Variants in PLCB1 observed in about 807,000 individuals in gnomAD.
The protein encoded by PLCB1 is phospholipase C beta 1.
In PLCB1, 46 loss-of-function variants were observed where a neutral mutation model predicts 161.8. The ratio of observed to expected loss-of-function variants is 0.28; its 90% CI spans 0.22 to 0.36. The LOEUF (loss-of-function observed/expected upper bound fraction) is 0.36, where lower values mean the gene tolerates loss of function less well. Ranked by LOEUF, PLCB1 falls within the 10% of genes least tolerant of loss-of-function variation. The pLI is 1.00. For synonymous variants in PLCB1, 517 were observed against 503.7 expected (o/e 1.03, Z -0.35); for missense variants, 1,016 against 1,472.5 (o/e 0.69, Z 5.07).
At chr20:8,563,279 T>C (rs1025243045) in intron 3 of PLCB1, among the ~76,000 whole-genome samples, 2 of 151,762 alleles carry the variant, frequency 1.3e-5, no homozygotes, top group Non-Finnish European at 2.9e-5. Flanking sequence ...CCCTACCAAG[T>C]AGAAAAAAAG....
chr20:8,236,020 T>G (rs1007454981), intron 2 of PLCB1, among the ~76,000 whole-genome samples: 1 of 152,118 alleles, frequency 6.6e-6, no homozygotes, highest in Non-Finnish European at 1.5e-5. Context: ...CAAATTAAAT[T>G]ACTACAAATT....
intron 3 of PLCB1, among the ~76,000 whole-genome samples, chr20:8,584,790 A>AAGG (rs1986938832): frequency 1.3e-5 from 2 of 152,028 alleles, no homozygotes; most frequent in Non-Finnish European, 2.9e-5. Context: ...TCCCAGGTTT[A>AAGG]AGCGATTCTC....
At chr20:8,409,835 A>G (rs1351279540) in intron 3 of PLCB1, among the ~76,000 whole-genome samples, 1 of 152,140 alleles carries the variant, frequency 6.6e-6, no homozygotes, top group Non-Finnish European at 1.5e-5. Flanking sequence ...AATATTATTT[A>G]AGAAATTGAT....
chr20:8,451,370 C>G (rs1981068026), intron 3 of PLCB1, among the ~76,000 whole-genome samples: 1 of 152,004 alleles, frequency 6.6e-6, no homozygotes, highest in Non-Finnish European at 1.5e-5. Flanking sequence ...TTTTTTGAGA[C>G]AGAGTCTCAC....
At chr20:8,326,795 C>T (rs144581624) in intron 2 of PLCB1, among the ~76,000 whole-genome samples, 1 of 152,356 alleles carries the variant, frequency 6.6e-6, no homozygotes, top group East Asian at 1.9e-4. Context: ...GGGTCTGAAA[C>T]ACCACACTGA....
chr20:8,868,175 G>T (rs1162996741), intron 31 of PLCB1, among the ~76,000 whole-genome samples: 1 of 152,082 alleles, frequency 6.6e-6, no homozygotes, highest in African/African-American at 2.4e-5. Context: ...ATGGAAAACA[G>T]AAAAACAACT....
At chr20:8,244,666 A>T (rs1457022676) in intron 2 of PLCB1, among the ~76,000 whole-genome samples, 1 of 151,780 alleles carries the variant, frequency 6.6e-6, no homozygotes, top group Non-Finnish European at 1.5e-5. Context: ...ATATGCAAAC[A>T]CTCATCCCAC....
chr20:8,342,760 A>G (rs549060446), intron 2 of PLCB1, among the ~76,000 whole-genome samples: 33 of 152,306 alleles, frequency 2.2e-4, no homozygotes, highest in Non-Finnish European at 4.0e-4. Context: ...TACTTCCCAA[A>G]GAAAGAGACA....
chr20:8,863,679 C>A (rs1308899812), intron 31 of PLCB1, among the ~76,000 whole-genome samples: 1 of 152,132 alleles, frequency 6.6e-6, no homozygotes, highest in Non-Finnish European at 1.5e-5. Context: ...TGTATTTTAC[C>A]ATTATAACCA....
intron 2 of PLCB1, among the ~76,000 whole-genome samples, chr20:8,236,810 G>T (rs942035855): frequency 6.6e-6 from 1 of 151,888 alleles, no homozygotes; most frequent in Non-Finnish European, 1.5e-5. Flanking sequence ...ATGGGTAAAC[G>T]ATATGAATGG....
chr20:8,438,210 C>T (rs1290414715), intron 3 of PLCB1, among the ~76,000 whole-genome samples: 1 of 152,082 alleles, frequency 6.6e-6, no homozygotes, highest in Non-Finnish European at 1.5e-5. Context: ...GATATTGGAA[C>T]AATGAATATC....
At chr20:8,682,436 G>C (rs894067259) in intron 9 of PLCB1, among the ~76,000 whole-genome samples, 7 of 152,068 alleles carry the variant, frequency 4.6e-5, no homozygotes, top group African/African-American at 1.7e-4. Context: ...CAGGAGGAAG[G>C]TTTTTCTTTT....
At chr20:8,673,136 A>AT (rs1437400906) in intron 9 of PLCB1, among the ~76,000 whole-genome samples, 1 of 151,694 alleles carries the variant, frequency 6.6e-6, no homozygotes, top group African/African-American at 2.4e-5. Flanking sequence ...AAATAAATAA[A>AT]TAAATAAATA....
At chr20:8,155,142 A>C (rs1361456760) in intron 2 of PLCB1, among the ~76,000 whole-genome samples, 1 of 152,106 alleles carries the variant, frequency 6.6e-6, no homozygotes, top group African/African-American at 2.4e-5. Context: ...ATGCCTGTGG[A>C]CTGCTGGGTT....
chr20:8,781,539 C>G (rs1473879923), intron 27 of PLCB1, among the ~76,000 whole-genome samples: 1 of 151,982 alleles, frequency 6.6e-6, no homozygotes, highest in East Asian at 1.9e-4. Flanking sequence ...AACGCTTTTT[C>G]ATGGCTTCGT....
Position 8,516,520 on chromosome 20 carries a change from T to G in PLCB1, c.247-111774T>G, listed in dbSNP as rs112838306. Among the ~76,000 whole-genome samples the G allele has an allele frequency of 6.5e-3, 996 of 152,120 alleles. 8 individuals carry two copies. The highest frequency in any genetic ancestry group is 0.022 in the African/African-American group (932 of 41,518). On this transcript the variant is annotated intron_variant, in intron 3 of 31. Transcript: ENST00000338037. ...TCTATCAGAGATAGTTTCCCTTTTA[T>G]ACATGTAAGTACAATAATGTTGAAA...
chr20:8,717,418 CA>C (rs1228793138), intron 13 of PLCB1, among the ~76,000 whole-genome samples: 2 of 152,072 alleles, frequency 1.3e-5, no homozygotes, highest in Non-Finnish European at 2.9e-5. Context: ...TTTAGTACAT[CA>C]AATCTACCAG....
At chr20:8,261,113 C>G (rs1363145203) in intron 2 of PLCB1, among the ~76,000 whole-genome samples, 1 of 152,088 alleles carries the variant, frequency 6.6e-6, no homozygotes. Context: ...TTCTACTGCC[C>G]CCTTCTGCTT....
intron 2 of PLCB1, among the ~76,000 whole-genome samples, chr20:8,178,917 G>A (rs1001091554): frequency 5.3e-5 from 8 of 152,048 alleles, no homozygotes; most frequent in African/African-American, 1.4e-4. Context: ...TTGTTTTGTC[G>A]ACTGTGTCGA....
Sources: allele counts gnomAD v4.1 joint callset (sites outside exome capture counted in the v4.1 genomes callset), GRCh38; gene constraint gnomAD v4.1.1; transcripts MANE v1.5; gene names NCBI Gene and HGNC (gene_info 2026-07-23, HGNC 2026-07-21).